Variants in CSPP1 observed in about 807,000 individuals in gnomAD.
The protein encoded by CSPP1 is centrosome and spindle pole associated protein 1.
In CSPP1, 126 loss-of-function variants were observed where a neutral mutation model predicts 164.4. The observed-to-expected ratio is 0.77, with a 90% CI of 0.66 to 0.89. The LOEUF (loss-of-function observed/expected upper bound fraction) is 0.89, where lower values mean the gene tolerates loss of function less well. CSPP1 is among the 40% of genes least tolerant of loss of function. The pLI, the probability that CSPP1 is intolerant of heterozygous loss-of-function variation, is 0.00. For missense variants in CSPP1, 1,395 were observed against 1,449.8 expected (o/e 0.96, Z 0.61); for synonymous variants, 472 against 476.7 (o/e 0.99, Z 0.13).
At chr8:67,096,550 G>A (rs139347972) in intron 7 of CSPP1, among the ~76,000 whole-genome samples, 1 of 150,874 alleles carries the variant, frequency 6.6e-6, no homozygotes. Flanking sequence ...GGGCGGTAAG[G>A]TGAGACTCTG....
At chr8:67,103,933 A>G (rs1029402143) in intron 8 of CSPP1, among the ~76,000 whole-genome samples, 3 of 151,566 alleles carry the variant, frequency 2.0e-5, no homozygotes, top group Admixed American at 6.6e-5. Flanking sequence ...TATCAAGTAG[A>G]TAGCTTTTAT....
chr8:67,154,217 A>G (rs997322984), intron 19 of CSPP1, 81 bp downstream of exon 19: 1 of 707,674 alleles, frequency 1.4e-6, no homozygotes, highest in Non-Finnish European at 2.5e-6. Flanking sequence ...CAGGATAAAT[A>G]CTAAATTCTA....
intron 17 of CSPP1, among the ~76,000 whole-genome samples, chr8:67,148,894 T>C (rs1825140528): frequency 6.6e-6 from 1 of 152,242 alleles, no homozygotes; most frequent in African/African-American, 2.4e-5. Context: ...ATCTATTCTA[T>C]GTAATGAATT....
intron 20 of CSPP1, 56 bp from the exon 21 acceptor site, chr8:67,158,935 T>C (rs1827182832): frequency 1.5e-6 from 2 of 1,362,674 alleles, no homozygotes; most frequent in South Asian, 1.4e-5. Context: ...CAGCACATTT[T>C]TGAATGTACT....
intron 27 of CSPP1, among the ~76,000 whole-genome samples, chr8:67,179,626 G>A (rs914468107): frequency 6.6e-6 from 1 of 152,204 alleles, no homozygotes; most frequent in Non-Finnish European, 1.5e-5. Context: ...GTGTTAGCTT[G>A]TAGAATCTGT....
In CSPP1 at chr8:67,195,449, T is replaced by C. The variant is rs778807238; in HGVS notation, c.3537T>C (p.Ser1179=). ...ACATAGGGGATGACGGATCAAACTC[T>C]GTAGCAACTGAGCCCTGGCTCCGCC... ...MKHIGDDGSN[S]VATEPWLRPG... The change falls in exon 31 of 31, where the codon TCT becomes TCC. Residue 1179 remains serine, a synonymous_variant. Transcript: ENST00000678616. 2 of 1,614,064 alleles carry C rather than the reference T, an allele frequency of 1.2e-6. No individual in the cohort carries two copies. The highest frequency in any genetic ancestry group is 1.7e-6 in the Non-Finnish European group (2 of 1,180,014).
chr8:67,135,182 T>G (rs1821998169), intron 16 of CSPP1: 1 of 152,242 alleles, frequency 6.6e-6, no homozygotes, highest in African/African-American at 2.4e-5. Context: ...TATTTTTATT[T>G]TGAGACAAAG....
At chr8:67,144,328 T>C (rs1824061441) in intron 17 of CSPP1, among the ~76,000 whole-genome samples, 1 of 152,214 alleles carries the variant, frequency 6.6e-6, no homozygotes, top group African/African-American at 2.4e-5. Context: ...AGTATTTTGT[T>C]AGAGATTTTT....
chr8:67,194,179 C>T (rs1009235888), intron 30 of CSPP1, among the ~76,000 whole-genome samples: 3 of 152,188 alleles, frequency 2.0e-5, no homozygotes, highest in East Asian at 3.8e-4. Flanking sequence ...CTACACCACC[C>T]TTTTCTATAC....
chr8:67,159,919 T>TCCTTTC (rs1554605535), intron 21 of CSPP1, among the ~76,000 whole-genome samples: 7 of 59,358 alleles, frequency 1.2e-4, no homozygotes, highest in Non-Finnish European at 2.3e-4. Context: ...TTTCTTTCTT[T>TCCTTTC]CTTTCCTTTC....
chr8:67,117,490 C>G (rs1342594291), intron 13 of CSPP1, among the ~76,000 whole-genome samples: 1 of 152,080 alleles, frequency 6.6e-6, no homozygotes, highest in South Asian at 2.1e-4. Context: ...GCATTGGTAG[C>G]AATACAGAGA....
At chr8:67,150,053 C>A (rs1825411425) in intron 18 of CSPP1, 118 bp downstream of exon 18, 6 of 1,050,332 alleles carry the variant, frequency 5.7e-6, no homozygotes, top group South Asian at 4.4e-5. Context: ...TATCCTGATA[C>A]AGGAAACATA....
chr8:67,067,132 T>C (rs994469926), intron 1 of CSPP1, among the ~76,000 whole-genome samples: 4 of 152,210 alleles, frequency 2.6e-5, no homozygotes, highest in Non-Finnish European at 5.9e-5. Context: ...CCATTTCTCA[T>C]GCTCCCATAG....
At chr8:67,150,261 G>C (rs1002030417) in intron 18 of CSPP1, among the ~76,000 whole-genome samples, 1 of 152,058 alleles carries the variant, frequency 6.6e-6, no homozygotes, top group Non-Finnish European at 1.5e-5. Flanking sequence ...TACACAATTT[G>C]CATCTTATAT....
chr8:67,096,111 T>C (rs1477421441), intron 7 of CSPP1, among the ~76,000 whole-genome samples: 1 of 152,192 alleles, frequency 6.6e-6, no homozygotes, highest in Non-Finnish European at 1.5e-5. Flanking sequence ...AAATTAGTAA[T>C]GATTCAAGTT....
chr8:67,195,328 G>GTCTC, intron 30 of CSPP1, 54 bp from the exon 31 acceptor site: 1 of 1,121,504 alleles, frequency 8.9e-7, no homozygotes, highest in Non-Finnish European at 1.4e-6. Flanking sequence ...CTGCGCTTAT[G>GTCTC]TCTCCTGCCT....
intron 19 of CSPP1, 72 bp from the exon 20 acceptor site, chr8:67,158,375 C>G: frequency 7.1e-7 from 1 of 1,416,470 alleles, no homozygotes; most frequent in South Asian, 1.5e-5. Flanking sequence ...TATATACTAT[C>G]AGGAAAAAAA....
At chr8:67,174,048 CTCTTTGGGGTCCTCAATTTTT>C (rs1341352278) in intron 25 of CSPP1, 1 of 152,084 alleles carries the variant, frequency 6.6e-6, no homozygotes, top group Non-Finnish European at 1.5e-5. Flanking sequence ...ATAAGTAAAG[CTCTTTGGGGTCCTCAATTTTT>C]AAGAGTGTAA....
At chr8:67,187,176 A>G (rs538870653) in intron 28 of CSPP1, among the ~76,000 whole-genome samples, 1 of 152,312 alleles carries the variant, frequency 6.6e-6, no homozygotes, top group South Asian at 2.1e-4. Context: ...TACAATCCCA[A>G]TAAAAATCCC....
Sources: gnomAD v4.1 joint callset for allele counts (sites outside exome capture counted in the v4.1 genomes callset) on GRCh38, gnomAD v4.1.1 for gene constraint, MANE v1.5 for transcripts, NCBI Gene and HGNC (gene_info 2026-07-23, HGNC 2026-07-21) for gene names.